The following SAMD5 variants were observed in gnomAD, a reference collection of about 807,000 sequenced individuals.
SAMD5 encodes the protein sterile alpha motif domain-containing protein 5.
A neutral mutation model predicts 11.3 loss-of-function variants in SAMD5; 13 were observed. The observed-to-expected ratio is 1.15, with a 90% CI of 0.75 to 1.83. The LOEUF is 1.83. Among genes scored for constraint, SAMD5 ranks in the 40% most tolerant of loss-of-function variants. The pLI, the probability that SAMD5 is intolerant of heterozygous loss-of-function variation, is 0.00. For synonymous variants in SAMD5, 129 were observed against 111.3 expected, an observed-to-expected ratio of 1.16 and a Z score of -1.00; for missense variants, 255 against 239.1, an observed-to-expected ratio of 1.07 and a Z score of -0.44.
chr6:147,516,293 TATGGCAGCCC>T (rs1346294454), intron 1 of SAMD5, among the ~76,000 whole-genome samples: 1 of 152,200 alleles, frequency 6.6e-6, no homozygotes, highest in African/African-American at 2.4e-5. Context: ...TTCTGGGAGC[TATGGCAGCCC>T]ATGGAATTCA....
At chr6:147,881,606 C>G in the SAMD5 span, among the ~76,000 whole-genome samples, 1 of 152,158 alleles carries the variant, frequency 6.6e-6, no homozygotes, top group Non-Finnish European at 1.5e-5. Context: ...GAGACCGAAG[C>G]CCCCTGAGCT....
intron 1 of SAMD5, among the ~76,000 whole-genome samples, chr6:147,677,829 G>A (rs1245656115): frequency 1.3e-5 from 2 of 152,152 alleles, no homozygotes; most frequent in Non-Finnish European, 2.9e-5. Flanking sequence ...ACCAAAAAGT[G>A]AGCAAGCCAG....
At chr6:147,694,888 C>G (rs1791154347) in intron 1 of SAMD5, among the ~76,000 whole-genome samples, 1 of 152,178 alleles carries the variant, frequency 6.6e-6, no homozygotes, top group South Asian at 2.1e-4. Context: ...ATTCTGAACT[C>G]ATATCAATAA....
chr6:147,823,699 G>A, the SAMD5 span, among the ~76,000 whole-genome samples: 1 of 152,140 alleles, frequency 6.6e-6, no homozygotes, highest in Non-Finnish European at 1.5e-5. Context: ...GGGAGGCTAA[G>A]GAGAAACAGA....
At chr6:147,641,758 G>A (rs576839834) in intron 1 of SAMD5, among the ~76,000 whole-genome samples, 1 of 152,056 alleles carries the variant, frequency 6.6e-6, no homozygotes, top group Non-Finnish European at 1.5e-5. Context: ...CTGTTGCCAA[G>A]CCTTTGTGGT....
downstream of SAMD5, among the ~76,000 whole-genome samples, chr6:147,574,764 C>A (rs968349971): frequency 5.9e-5 from 9 of 152,078 alleles, no homozygotes; most frequent in African/African-American, 2.2e-4. Context: ...TTTTGTGAAG[C>A]CTCTTTTATG....
At chr6:147,801,152 A>T in the SAMD5 span, among the ~76,000 whole-genome samples, 3 of 152,204 alleles carry the variant, frequency 2.0e-5, no homozygotes, top group African/African-American at 7.2e-5. Flanking sequence ...TAGTACAAGG[A>T]TTAATATGGT....
chr6:147,796,786 C>T, the SAMD5 span, among the ~76,000 whole-genome samples: 2 of 151,462 alleles, frequency 1.3e-5, no homozygotes, highest in East Asian at 1.9e-4. Context: ...CCTTCACATC[C>T]CTTGTAAGTT....
At chr6:147,687,376 G>A (rs1418013168) in intron 1 of SAMD5, among the ~76,000 whole-genome samples, 2 of 149,374 alleles carry the variant, frequency 1.3e-5, no homozygotes, top group South Asian at 2.1e-4. Flanking sequence ...CTGACCTCCC[G>A]GGTTCAAGTC....
At chr6:147,849,176 T>TTTG in the SAMD5 span, among the ~76,000 whole-genome samples, 2 of 151,058 alleles carry the variant, frequency 1.3e-5, no homozygotes, top group Admixed American at 1.3e-4. Context: ...TTTTTTTTTT[T>TTTG]ACAATTCTGG....
intron 1 of SAMD5, among the ~76,000 whole-genome samples, chr6:147,691,316 G>C (rs1274029270): frequency 6.6e-6 from 1 of 152,040 alleles, no homozygotes; most frequent in Non-Finnish European, 1.5e-5. Context: ...TATTTAGAGA[G>C]ATATTTAACT....
the SAMD5 span, among the ~76,000 whole-genome samples, chr6:147,785,344 A>G: frequency 6.6e-6 from 1 of 152,170 alleles, no homozygotes; most frequent in South Asian, 2.1e-4. Flanking sequence ...GATGTCCCCG[A>G]CACTGTGCTT....
intron 1 of SAMD5, among the ~76,000 whole-genome samples, chr6:147,639,094 T>C (rs1235876193): frequency 6.6e-6 from 1 of 152,180 alleles, no homozygotes; most frequent in Non-Finnish European, 1.5e-5. Context: ...TTATTTAAAC[T>C]GCAAATTGCG....
the SAMD5 span, among the ~76,000 whole-genome samples, chr6:147,923,637 G>GA: frequency 4.6e-5 from 7 of 152,314 alleles, no homozygotes; most frequent in African/African-American, 1.7e-4. Flanking sequence ...ACCTACCCTG[G>GA]ATGTAGAGCT....
chr6:147,606,234 G>A (rs12208201), intron 1 of SAMD5, among the ~76,000 whole-genome samples: 42,955 of 151,998 alleles, frequency 0.28, 7,173 homozygotes, highest in South Asian at 0.37. Flanking sequence ...AGGTGGGCAC[G>A]CGTGGCTTTG....
chr6:147,897,656 G>A, the SAMD5 span, among the ~76,000 whole-genome samples: 10 of 152,152 alleles, frequency 6.6e-5, no homozygotes, highest in East Asian at 1.4e-3. Context: ...TTATAAAAAC[G>A]TAGCCAGACC....
intron 1 of SAMD5, among the ~76,000 whole-genome samples, chr6:147,549,368 A>T (rs1042010005): frequency 1.3e-5 from 2 of 152,180 alleles, no homozygotes; most frequent in East Asian, 3.8e-4. Flanking sequence ...TAACTTTGTC[A>T]TGTACTCCTG....
intron 1 of SAMD5, among the ~76,000 whole-genome samples, chr6:147,553,361 A>T (rs890337907): frequency 6.6e-6 from 1 of 152,188 alleles, no homozygotes; most frequent in Non-Finnish European, 1.5e-5. Flanking sequence ...GCAGGAAGGG[A>T]TAGGATGACT....
chr6:147,545,875 A>G (rs1313651751), intron 1 of SAMD5, among the ~76,000 whole-genome samples: 2 of 152,214 alleles, frequency 1.3e-5, no homozygotes, highest in Non-Finnish European at 2.9e-5. Flanking sequence ...TGTAACATTA[A>G]TTAAATTTGA....
Sources: allele counts gnomAD v4.1 joint callset (sites outside exome capture counted in the v4.1 genomes callset), GRCh38; gene constraint gnomAD v4.1.1; transcripts MANE v1.5; gene names NCBI Gene and HGNC (gene_info 2026-07-23, HGNC 2026-07-21).